Variants in FOCAD observed in about 807,000 individuals in gnomAD.
FOCAD encodes the protein focadhesin.
FOCAD carries 198 observed loss-of-function variants against 225.6 expected under a neutral mutation model. The observed-to-expected ratio is 0.88, with a 90% CI of 0.78 to 0.99. FOCAD has a LOEUF of 0.99. Ranked by LOEUF, FOCAD falls within the 50% of genes least tolerant of loss-of-function variation. The pLI is 0.00. For missense variants in FOCAD, 2,713 were observed against 2,123.6 expected, an observed-to-expected ratio of 1.28 and a Z score of -5.46; for synonymous variants, 897 against 755.0, an observed-to-expected ratio of 1.19 and a Z score of -3.08.
chr9:20,963,340 T>C (rs13300741), intron 35 of FOCAD, among the ~76,000 whole-genome samples: 22,403 of 152,162 alleles, frequency 0.15, 1,809 homozygotes, highest in East Asian at 0.19. Context: ...AAAGTTGTCC[T>C]GTCAAAGGAG....
chr9:20,864,214 T>C (rs1338118861), intron 16 of FOCAD, among the ~76,000 whole-genome samples: 2 of 152,084 alleles, frequency 1.3e-5, no homozygotes, highest in Non-Finnish European at 2.9e-5. Context: ...TGAGCCAAAG[T>C]TGAATTTAAT....
chr9:20,896,090 C>G (rs948126447), intron 21 of FOCAD, among the ~76,000 whole-genome samples: 5 of 151,820 alleles, frequency 3.3e-5, no homozygotes, highest in South Asian at 2.1e-4. Flanking sequence ...TCGATTTTGT[C>G]AAATGCTTTT....
intron 2 of FOCAD, among the ~76,000 whole-genome samples, chr9:20,665,773 G>A (rs1821881716): frequency 6.6e-6 from 1 of 152,128 alleles, no homozygotes; most frequent in Non-Finnish European, 1.5e-5. Flanking sequence ...GCTCACGCCT[G>A]TAAGCCCAGC....
chr9:20,869,388 A>G (rs1333933829), intron 18 of FOCAD, among the ~76,000 whole-genome samples: 2 of 152,198 alleles, frequency 1.3e-5, no homozygotes, highest in Non-Finnish European at 1.5e-5. Flanking sequence ...CTACTTTGTG[A>G]ATTATAATTC....
At chr9:20,988,783 T>C (rs1841407058) in intron 41 of FOCAD, among the ~76,000 whole-genome samples, 1 of 152,058 alleles carries the variant, frequency 6.6e-6, no homozygotes, top group Non-Finnish European at 1.5e-5. Context: ...CAAGCTCCTG[T>C]GTAGCTGGGA....
intron 1 of FOCAD, among the ~76,000 whole-genome samples, chr9:20,705,433 T>C (rs1041912695): frequency 6.6e-6 from 1 of 152,160 alleles, no homozygotes; most frequent in African/African-American, 2.4e-5. Context: ...TATTCAAAAT[T>C]TGAGTCATTT....
intron 35 of FOCAD, among the ~76,000 whole-genome samples, chr9:20,974,997 C>G (rs1457124497): frequency 6.6e-6 from 1 of 152,112 alleles, no homozygotes; most frequent in East Asian, 1.9e-4. Flanking sequence ...GCTGATTCCC[C>G]CTTTTTCAGC....
intron 42 of FOCAD, 26 bp downstream of exon 42, chr9:20,990,400 C>T (rs773021646): frequency 6.2e-7 from 1 of 1,609,078 alleles, no homozygotes; most frequent in Non-Finnish European, 8.5e-7. Context: ...ACCTGCTTAG[C>T]AGGGCAGGCA....
chr9:20,826,706 A>T (rs1002542472), intron 15 of FOCAD, among the ~76,000 whole-genome samples: 4 of 152,122 alleles, frequency 2.6e-5, no homozygotes, highest in Admixed American at 2.6e-4. Flanking sequence ...TATTGAAGAA[A>T]CAGAGCCTCT....
At chr9:20,664,167 CAT>C (rs538908428) in intron 2 of FOCAD, among the ~76,000 whole-genome samples, 83 of 151,692 alleles carry the variant, frequency 5.5e-4, no homozygotes, top group Non-Finnish European at 8.0e-4. Context: ...ATTTAAATAA[CAT>C]ATGTTTTCCT....
chr9:20,895,733 A>G (rs1421045328), intron 21 of FOCAD, among the ~76,000 whole-genome samples: 1 of 151,714 alleles, frequency 6.6e-6, no homozygotes, highest in Non-Finnish European at 1.5e-5. Flanking sequence ...GTATCTTGCA[A>G]TTTTGCTATA....
At chr9:20,901,043 A>G (rs1457706391) in intron 21 of FOCAD, among the ~76,000 whole-genome samples, 1 of 151,912 alleles carries the variant, frequency 6.6e-6, no homozygotes, top group Non-Finnish European at 1.5e-5. Context: ...GGACAGGTCT[A>G]ACAAAAAATT....
rs542545963 is a variant in FOCAD, at chr9:20,971,562, C to A, written c.4133-4858C>A. 2.0e-4 allele frequency among the ~76,000 whole-genome samples: 30 copies of A among 152,138 alleles called. No individual in the cohort carries two copies. The South Asian group carries it at 4.6e-3, about 23-fold the overall frequency. ...TCAAGCAATTCTCCTGCCCCAGCCT[C>A]CTGAGTAACGGAGATTACAGGCATG... On this transcript the variant is annotated intron_variant, in intron 35 of 43. Transcript: ENST00000338382.
intron 19 of FOCAD, 184 bp downstream of exon 19, chr9:20,874,991 G>A (rs887673990): frequency 1.3e-4 from 89 of 683,442 alleles, no homozygotes; most frequent in Non-Finnish European, 1.7e-4. Flanking sequence ...TAAATCATAC[G>A]AAAAAACGTT....
chr9:20,870,138 A>G (rs1471729403), intron 18 of FOCAD, among the ~76,000 whole-genome samples: 3 of 152,168 alleles, frequency 2.0e-5, no homozygotes, highest in African/African-American at 7.2e-5. Context: ...AAAAACATTC[A>G]CCTATTTAAA....
chr9:20,839,854 GT>G (rs1462611575), intron 15 of FOCAD, among the ~76,000 whole-genome samples: 1 of 151,970 alleles, frequency 6.6e-6, no homozygotes, highest in Non-Finnish European at 1.5e-5. Flanking sequence ...AGAGATAAGG[GT>G]CAAGTTTCAT....
intron 35 of FOCAD, among the ~76,000 whole-genome samples, chr9:20,962,453 T>C (rs1024078173): frequency 2.6e-5 from 4 of 151,702 alleles, no homozygotes; most frequent in Non-Finnish European, 2.9e-5. Context: ...CATACATACA[T>C]ACACTAGATA....
intron 15 of FOCAD, among the ~76,000 whole-genome samples, chr9:20,833,406 T>C (rs973439752): frequency 6.6e-6 from 1 of 152,104 alleles, no homozygotes; most frequent in Non-Finnish European, 1.5e-5. Context: ...TCTTTGATTA[T>C]TATAGGATTA....
At chr9:20,830,671 C>T (rs927647495) in intron 15 of FOCAD, among the ~76,000 whole-genome samples, 2 of 151,980 alleles carry the variant, frequency 1.3e-5, no homozygotes, top group African/African-American at 4.8e-5. Flanking sequence ...AGTTGCTTCC[C>T]ATTTTTCTCT....
Sources: gnomAD v4.1 joint callset for allele counts (sites outside exome capture counted in the v4.1 genomes callset) on GRCh38, gnomAD v4.1.1 for gene constraint, MANE v1.5 for transcripts, NCBI Gene and HGNC (gene_info 2026-07-23, HGNC 2026-07-21) for gene names.